The following TENM4 variants were observed in gnomAD, a reference collection of about 807,000 sequenced individuals.
The protein encoded by TENM4 is teneurin transmembrane protein 4, also known as teneurin-4.
Under a neutral mutation model 243.3 loss-of-function variants are expected in TENM4, and 82 were observed. That is an observed-to-expected ratio of 0.34 (90% CI 0.28 to 0.40). The LOEUF (loss-of-function observed/expected upper bound fraction) is 0.40, where lower values mean the gene tolerates loss of function less well. TENM4 is among the 10% of genes least tolerant of loss of function. TENM4 has a pLI of 1.00. For missense variants in TENM4, 3,138 were observed against 3,673.3 expected, an observed-to-expected ratio of 0.85 and a Z score of 3.77; for synonymous variants, 1,412 against 1,456.3, an observed-to-expected ratio of 0.97 and a Z score of 0.69.
intron 6 of TENM4, among the ~76,000 whole-genome samples, chr11:79,042,675 G>C (rs1022302759): frequency 6.6e-6 from 1 of 152,172 alleles, no homozygotes; most frequent in Non-Finnish European, 1.5e-5. Context: ...AAGGGATTAA[G>C]ACATGCCCCA....
At position 78,669,638 on chromosome 11, in the gene TENM4, G is replaced by T; in HGVS notation, c.6707C>A (p.Pro2236Gln). The change falls in exon 32 of 34, where the codon CCA (proline) becomes CAA (glutamine). Residue 2236 changes from proline to glutamine, a missense_variant. Coordinates refer to ENST00000278550, the MANE Select transcript of TENM4 (RefSeq NM_001098816.3). The surrounding 1 kb of genome is among the most constrained non-coding windows in gnomAD (Gnocchi z 6.4). Reference sequence around the variant, plus strand: ...GCGGTCGCGGATGTCATACCGTAGTGGTGTGAGCCGTGCACTGTTCCCAGG... The same window carrying T: ...GCGGTCGCGGATGTCATACCGTAGTTGTGTGAGCCGTGCACTGTTCCCAGG... ...LSPGNSARLT[P>Q]LRYDIRDRIT... 1 of 1,614,006 alleles carries T rather than the reference G, an allele frequency of 6.2e-7. No individual in the cohort carries two copies. The highest frequency in any genetic ancestry group is 8.5e-7 in the Non-Finnish European group (1 of 1,179,904).
rs553381241 is a variant in TENM4 at position 78,784,291 on chromosome 11, A to AATGG, written c.2365+2603_2365+2606dup. ...CTTCTTGTTACCATCAAAGACTAAA[A>AATGG]ATGGATTTCCCCTTCTCATTTCTAT... On this transcript the variant is annotated intron_variant, in intron 16 of 33. Transcript: ENST00000278550. Among the ~76,000 whole-genome samples, 12 of 152,308 alleles carry AATGG rather than the reference A, an allele frequency of 7.9e-5. No homozygotes were observed. In the East Asian group the frequency reaches 2.3e-3, roughly 29 times the overall value.
intron 12 of TENM4, among the ~76,000 whole-genome samples, chr11:78,821,536 C>G (rs1337945897): frequency 6.6e-6 from 1 of 152,174 alleles, no homozygotes; most frequent in African/African-American, 2.4e-5. Flanking sequence ...CTGAATTCCA[C>G]ATTGTACTCT....
chr11:79,359,861 G>T (rs1459025531), intron 1 of TENM4, among the ~76,000 whole-genome samples: 1 of 152,184 alleles, frequency 6.6e-6, no homozygotes, highest in Non-Finnish European at 1.5e-5. Flanking sequence ...GCCAGACAGG[G>T]ATGCTCAGGA....
chr11:79,413,027 G>A (rs985468748), intron 1 of TENM4, among the ~76,000 whole-genome samples: 1 of 152,212 alleles, frequency 6.6e-6, no homozygotes, highest in Non-Finnish European at 1.5e-5. Flanking sequence ...ATTAGTTACA[G>A]CATGTCCTAA....
At chr11:78,973,444 T>G (rs192453904) in intron 6 of TENM4, among the ~76,000 whole-genome samples, 1 of 152,350 alleles carries the variant, frequency 6.6e-6, no homozygotes, top group East Asian at 1.9e-4. Flanking sequence ...TTGGCATATT[T>G]TCATGTCCTT....
rs186220625 is a variant in TENM4 at position 78,848,693 on chromosome 11, G to T, written c.1681+5411C>A. Among the ~76,000 whole-genome samples the T allele has an allele frequency of 3.3e-5, 5 of 152,242 alleles. No individual in the cohort carries two copies. The East Asian group carries it at 9.6e-4, about 29-fold the overall frequency. ...TTACTCTTTTCCTTGGCTTAGAGCT[G>T]TTTACCGTATAAATCTTTCATCTCC... On this transcript the variant is annotated intron_variant, in intron 12 of 33. Coordinates refer to ENST00000278550, the MANE Select transcript of TENM4 (RefSeq NM_001098816.3).
intron 6 of TENM4, among the ~76,000 whole-genome samples, chr11:78,945,858 C>G (rs985154075): frequency 1.3e-5 from 2 of 152,108 alleles, no homozygotes; most frequent in African/African-American, 4.8e-5. Flanking sequence ...GAGCAAAGGC[C>G]CTAACTCTTT....
chr11:78,761,596 C>T (rs2135967407), intron 18 of TENM4, among the ~76,000 whole-genome samples: 2 of 152,192 alleles, frequency 1.3e-5, no homozygotes, highest in Non-Finnish European at 2.9e-5. Flanking sequence ...TTGTCTGGGA[C>T]CACTTTTCAG....
At chr11:78,854,629 C>CT (rs959225950) in intron 11 of TENM4, among the ~76,000 whole-genome samples, 1 of 152,060 alleles carries the variant, frequency 6.6e-6, no homozygotes, top group Non-Finnish European at 1.5e-5. Context: ...GACAACCATG[C>CT]TTTTTTGCAA....
chr11:79,289,950 T>A (rs552018006), intron 2 of TENM4, among the ~76,000 whole-genome samples: 53 of 146,320 alleles, frequency 3.6e-4, no homozygotes, highest in Non-Finnish European at 7.0e-4. Context: ...ACCTTTTTTC[T>A]TTCTTTTTCT....
At position 78,903,490 on chromosome 11, in the gene TENM4, A is replaced by AGCC; in HGVS notation, c.524_526dup (p.Arg175dup). 1 of 1,547,242 alleles carries AGCC rather than the reference A, an allele frequency of 6.5e-7. No individual in the cohort carries two copies. Among genetic ancestry groups the AGCC allele is most frequent in the Non-Finnish European group, 8.7e-7 (1 of 1,146,198 alleles). On this transcript the variant is annotated inframe_insertion, in exon 7 of 34. Transcript: ENST00000278550. ...CGAGAGCGGCGGCGGCGGCGTCCGG[A>AGCC]GCCGCGCGTGGTTCTGCAGGCCGCC...
chr11:79,017,724 AAGGC>A (rs1446343868), intron 6 of TENM4, among the ~76,000 whole-genome samples: 2 of 152,186 alleles, frequency 1.3e-5, no homozygotes, highest in African/African-American at 4.8e-5. Flanking sequence ...AAGCAGGCAG[AAGGC>A]AGGCAGGAAG....
At chr11:78,706,648 T>C (rs188964081) in intron 27 of TENM4, among the ~76,000 whole-genome samples, 2 of 152,306 alleles carry the variant, frequency 1.3e-5, no homozygotes, top group East Asian at 1.9e-4. Context: ...TTTTAGCATT[T>C]TTTTCCCCCT....
chr11:78,772,643 A>G (rs1183992953), intron 17 of TENM4, among the ~76,000 whole-genome samples: 1 of 148,552 alleles, frequency 6.7e-6, no homozygotes, highest in Non-Finnish European at 1.5e-5. Flanking sequence ...CACTCACTAA[A>G]TGGCTGATCA....
intron 28 of TENM4, among the ~76,000 whole-genome samples, chr11:78,688,856 T>C (rs1858748299): frequency 6.6e-6 from 1 of 152,206 alleles, no homozygotes. Flanking sequence ...ACTGCAACTC[T>C]TAGAACCCCC....
At chr11:79,335,645 G>A (rs1157077108) in intron 1 of TENM4, among the ~76,000 whole-genome samples, 4 of 152,164 alleles carry the variant, frequency 2.6e-5, no homozygotes, top group Non-Finnish European at 5.9e-5. Context: ...AGACCAGAAA[G>A]GGACAGGATT....
chr11:79,043,492 A>G (rs148635533), intron 6 of TENM4, among the ~76,000 whole-genome samples: 10 of 152,280 alleles, frequency 6.6e-5, no homozygotes, highest in Admixed American at 2.0e-4. Flanking sequence ...TGTGTGGAAC[A>G]AAGTCTCCCC....
intron 1 of TENM4, among the ~76,000 whole-genome samples, chr11:79,407,787 T>C (rs1858604176): frequency 6.6e-6 from 1 of 152,210 alleles, no homozygotes; most frequent in Non-Finnish European, 1.5e-5. Flanking sequence ...TCCCAAACTT[T>C]TCTGTGCTAA....
Sources: allele counts gnomAD v4.1 joint callset (sites outside exome capture counted in the v4.1 genomes callset), GRCh38; gene constraint gnomAD v4.1.1; non-coding constraint Gnocchi (gnomAD v3.1); transcripts MANE v1.5; gene names NCBI Gene and HGNC (gene_info 2026-07-23, HGNC 2026-07-21).